Variants in SERPINB11 observed in about 807,000 individuals in gnomAD.
SERPINB11 encodes serpin family B member 11, also known as serpin B11.
A neutral mutation model predicts 36.7 loss-of-function variants in SERPINB11; 32 were observed. The ratio of observed to expected loss-of-function variants is 0.87; its 90% CI spans 0.66 to 1.17. The LOEUF is 1.17. Among genes scored for constraint, SERPINB11 ranks in the 50% most tolerant of loss-of-function variants. The pLI is 0.00. For missense variants in SERPINB11, 528 were observed against 458.4 expected, an observed-to-expected ratio of 1.15 and a Z score of -1.39; for synonymous variants, 174 against 168.1, an observed-to-expected ratio of 1.04 and a Z score of -0.27.
intron 2 of SERPINB11, 33 bp downstream of exon 2, chr18:63,710,394 C>T (rs770615046): frequency 3.8e-6 from 6 of 1,565,204 alleles, no homozygotes; most frequent in Non-Finnish European, 5.2e-6. Context: ...GTTCAGAACC[C>T]AGAAGTCTTT....
intron 1 of SERPINB11, among the ~76,000 whole-genome samples, chr18:63,709,447 C>CA (rs1391415779): frequency 6.6e-6 from 1 of 151,558 alleles, no homozygotes; most frequent in East Asian, 1.9e-4. Flanking sequence ...CCGTCTCTAC[C>CA]AAAAAATACA....
chr18:63,705,590 T>C (rs1914351815), intron 1 of SERPINB11: 2 of 152,324 alleles, frequency 1.3e-5, no homozygotes, highest in South Asian at 2.1e-4. Flanking sequence ...ACCTCAACCT[T>C]GTGTACTTGT....
At chr18:63,714,696 C>T (rs543156194) in intron 4 of SERPINB11, among the ~76,000 whole-genome samples, 1 of 152,332 alleles carries the variant, frequency 6.6e-6, no homozygotes, top group Admixed American at 6.5e-5. Flanking sequence ...TAATGGTTAT[C>T]TCCCTAGTTC....
chr18:63,709,172 C>A (rs1294606017), intron 1 of SERPINB11, among the ~76,000 whole-genome samples: 7 of 152,150 alleles, frequency 4.6e-5, no homozygotes, highest in African/African-American at 1.7e-4. Flanking sequence ...CTTGGATTTT[C>A]CTTTTCCATT....
intron 1 of SERPINB11, among the ~76,000 whole-genome samples, chr18:63,709,106 T>C (rs780429547): frequency 1.3e-5 from 2 of 152,222 alleles, no homozygotes; most frequent in Non-Finnish European, 2.9e-5. Context: ...GAACTCTTCT[T>C]TCCTGACATA....
chr18:63,720,537 A>G, intron 6 of SERPINB11: 1 of 380,958 alleles, frequency 2.6e-6, no homozygotes, highest in Non-Finnish European at 4.6e-6. Context: ...TTAATGATAT[A>G]TCCTTTTTCT....
Position 63,723,246 on chromosome 18 carries a change from G to A in SERPINB11, c.1026G>A (p.Glu342=). The change falls in exon 8 of 8, where the codon GAG becomes GAA. Residue 342 remains glutamate (E), a synonymous_variant. Coordinates refer to ENST00000544088, the MANE Select transcript of SERPINB11 (RefSeq NM_001370475.1). ...AGTCATACCTGGATGTCAGCGAAGAGGGCACGGAGGCAGCAGCAGCCACTG... is the reference window on the plus strand; with the variant it reads ...AGTCATACCTGGATGTCAGCGAAGAAGGCACGGAGGCAGCAGCAGCCACTG... ...IHKSYLDVSE[E]GTEAAAATGD... 1 of 1,613,944 alleles carries A rather than the reference G, an allele frequency of 6.2e-7. No individual in the cohort carries two copies. The highest frequency in any genetic ancestry group is 8.5e-7 in the Non-Finnish European group (1 of 1,179,870).
chr18:63,720,469 A>AT (rs1433808102), intron 6 of SERPINB11: 1 of 336,138 alleles, frequency 3.0e-6, no homozygotes, highest in African/African-American at 2.2e-5. Flanking sequence ...CACTAAGGCT[A>AT]TCTGTGTTAT....
chr18:63,704,730 C>T (rs558008771), intron 1 of SERPINB11, among the ~76,000 whole-genome samples: 2 of 152,110 alleles, frequency 1.3e-5, no homozygotes, highest in African/African-American at 4.8e-5. Context: ...TGAAGTGAGG[C>T]GAACATCATC....
chr18:63,711,259 G>C, intron 2 of SERPINB11, 76 bp from the exon 3 acceptor site: 1 of 979,984 alleles, frequency 1.0e-6, no homozygotes, highest in Non-Finnish European at 1.6e-6. Context: ...TAGAAAAATA[G>C]ATACTTACAA....
In SERPINB11 at chr18:63,723,061, G is replaced by GAAGTTGA; in HGVS notation, c.843_849dup (p.Val284SerfsTer2). On this transcript the variant is annotated frameshift_variant, in exon 8 of 8. Transcript: ENST00000544088. LOFTEE classifies it low-confidence loss of function (END_TRUNC). ...AAGCTCTTCTAACATGATGGAAAGAGAAGTTGAAGTACACCTCCCCCGATT... is the reference window on the plus strand; with the variant it reads ...AAGCTCTTCTAACATGATGGAAAGAGAAGTTGAAAGTTGAAGTACACCTCCCCCGATT... 6.2e-7 allele frequency: 1 copy of GAAGTTGA among 1,604,850 alleles called. No individual in the cohort carries two copies. The highest frequency in any genetic ancestry group is 8.5e-7 in the Non-Finnish European group (1 of 1,175,502).
chr18:63,719,196 T>C (rs1185055696), intron 5 of SERPINB11, among the ~76,000 whole-genome samples: 1 of 152,104 alleles, frequency 6.6e-6, no homozygotes, highest in Non-Finnish European at 1.5e-5. Context: ...GATCCACATG[T>C]TATATATTTA....
At chr18:63,721,440 A>G (rs1249569856) in intron 7 of SERPINB11, among the ~76,000 whole-genome samples, 1 of 152,200 alleles carries the variant, frequency 6.6e-6, no homozygotes, top group East Asian at 1.9e-4. Context: ...CACCACACAC[A>G]TTAAGAAGTG....
chr18:63,721,847 A>G (rs557924361), intron 7 of SERPINB11, among the ~76,000 whole-genome samples: 1 of 152,328 alleles, frequency 6.6e-6, no homozygotes, highest in Non-Finnish European at 1.5e-5. Flanking sequence ...GGTGGCCATA[A>G]CAGGTATGCT....
At position 63,711,403 on chromosome 18, in the gene SERPINB11, A is replaced by G; in HGVS notation, c.228+9A>G. On this transcript the variant is annotated intron_variant, in intron 3 of 7. Coordinates refer to ENST00000544088, the MANE Select transcript of SERPINB11 (RefSeq NM_001370475.1). The stretch of plus-strand genomic sequence containing the variant: ...TCAAGGACTCACCTAAGGTATGATA[A>G]TATTACTGAGTTGTCAAATGCTCTT... 6.3e-7 allele frequency: 1 copy of G among 1,580,632 alleles called. No individual in the cohort carries two copies. The highest frequency in any genetic ancestry group is 2.2e-5 in the East Asian group (1 of 44,674).
At chr18:63,720,763 A>G in intron 6 of SERPINB11, 68 bp from the exon 7 acceptor site, 1 of 1,166,004 alleles carries the variant, frequency 8.6e-7, no homozygotes, top group Non-Finnish European at 1.2e-6. Flanking sequence ...GTGTTATGCA[A>G]GGTAATCAGT....
chr18:63,715,333 G>A lies in SERPINB11; in HGVS notation c.358-702G>A, dbSNP rs372682822. On this transcript the variant is annotated intron_variant, in intron 4 of 7. Coordinates refer to ENST00000544088, the MANE Select transcript of SERPINB11 (RefSeq NM_001370475.1). ...GTTCTATAGAAATCTAGGGCCATGG[G>A]TGGTCATAAATTGTTGCTCCAGAAT... Among the ~76,000 whole-genome samples the A allele has an allele frequency of 1.1e-4, 16 of 152,216 alleles. No homozygotes were observed. In the East Asian group the frequency reaches 3.1e-3, roughly 29 times the overall value.
At chr18:63,708,556 AG>A (rs1277372146) in intron 1 of SERPINB11, among the ~76,000 whole-genome samples, 1 of 152,178 alleles carries the variant, frequency 6.6e-6, no homozygotes, top group Non-Finnish European at 1.5e-5. Context: ...AAAGAATAGA[AG>A]AATGGAATTG....
At chr18:63,709,606 G>A (rs1914463175) in intron 1 of SERPINB11, among the ~76,000 whole-genome samples, 1 of 70,002 alleles carries the variant, frequency 1.4e-5, no homozygotes, top group South Asian at 4.8e-4. Flanking sequence ...GCGAGATTCT[G>A]TCTCAAAAAT....
Sources: allele counts gnomAD v4.1 joint callset (sites outside exome capture counted in the v4.1 genomes callset), GRCh38; gene constraint gnomAD v4.1.1; transcripts MANE v1.5; gene names NCBI Gene and HGNC (gene_info 2026-07-23, HGNC 2026-07-21).